The following REC114 variants were observed in gnomAD, a reference collection of about 807,000 sequenced individuals.
REC114 encodes meiotic recombination protein REC114.
A neutral mutation model predicts 31.3 loss-of-function variants in REC114; 27 were observed. The observed-to-expected ratio is 0.86, with a 90% confidence interval of 0.64 to 1.19. The LOEUF (loss-of-function observed/expected upper bound fraction) is 1.19. Among genes scored for constraint, REC114 ranks in the 50% most tolerant of loss-of-function variants. The probability of loss-of-function intolerance (pLI) is 0.00; values close to 1 mark genes in which losing one functional copy is unlikely to be tolerated. For synonymous variants in REC114, 134 were observed against 127.7 expected, an observed-to-expected ratio of 1.05 and a Z score of -0.33; for missense variants, 344 against 326.9, an observed-to-expected ratio of 1.05 and a Z score of -0.40.
At chr15:73,486,949 A>G (rs1236754185) in intron 2 of REC114, among the ~76,000 whole-genome samples, 1 of 151,892 alleles carries the variant, frequency 6.6e-6, no homozygotes, top group Non-Finnish European at 1.5e-5. Context: ...TGAACCCAAG[A>G]GGTGGAGGTT....
intron 2 of REC114, among the ~76,000 whole-genome samples, chr15:73,493,966 A>G (rs75940861): frequency 0.051 from 7,749 of 152,088 alleles, 220 homozygotes; most frequent in South Asian, 0.093. Context: ...TATTTTTTCT[A>G]TGGCTCCCCT....
At chr15:73,485,302 T>C (rs2141299215) in intron 2 of REC114, among the ~76,000 whole-genome samples, 1 of 152,278 alleles carries the variant, frequency 6.6e-6, no homozygotes, top group South Asian at 2.1e-4. Context: ...CAGGATGGTC[T>C]CGATCTCTTG....
intron 4 of REC114, among the ~76,000 whole-genome samples, chr15:73,553,589 C>T (rs138626190): frequency 3.9e-5 from 6 of 152,240 alleles, no homozygotes; most frequent in African/African-American, 9.6e-5. Flanking sequence ...AGTCACATCA[C>T]GCTAGAACCT....
intron 2 of REC114, among the ~76,000 whole-genome samples, chr15:73,479,064 A>G (rs1893256475): frequency 6.6e-6 from 1 of 152,084 alleles, no homozygotes; most frequent in Admixed American, 6.6e-5. Context: ...CTTCCCACAG[A>G]TTATGCTGGC....
At chr15:73,444,159 CT>C (rs1892735665) in intron 1 of REC114, among the ~76,000 whole-genome samples, 1 of 152,202 alleles carries the variant, frequency 6.6e-6, no homozygotes, top group Admixed American at 6.5e-5. Context: ...CTGGTGGCTG[CT>C]GACTGATCAG....
chr15:73,461,193 A>C (rs1892984049), intron 1 of REC114, among the ~76,000 whole-genome samples: 1 of 152,244 alleles, frequency 6.6e-6, no homozygotes, highest in South Asian at 2.1e-4. Context: ...GAAACACCAA[A>C]AAATGCTGAA....
At chr15:73,455,288 T>TTAC (rs1892900828) in intron 1 of REC114, among the ~76,000 whole-genome samples, 1 of 152,096 alleles carries the variant, frequency 6.6e-6, no homozygotes, top group African/African-American at 2.4e-5. Flanking sequence ...AAAAAAGAGG[T>TTAC]TAGGTAAAGC....
At chr15:73,491,339 C>T (rs1463018088) in intron 2 of REC114, among the ~76,000 whole-genome samples, 2 of 150,208 alleles carry the variant, frequency 1.3e-5, no homozygotes, top group Non-Finnish European at 3.0e-5. Context: ...TGTGTATTAT[C>T]TTAATTTCTT....
chr15:73,491,234 C>CTATCTTTGTGTATTAATTTTTTGTAT (rs1893438397), intron 2 of REC114, among the ~76,000 whole-genome samples: 1 of 139,376 alleles, frequency 7.2e-6, no homozygotes, highest in Non-Finnish European at 1.5e-5. Context: ...TCTTTGTGTA[C>CTATCTTTGTGTATTAATTTTTTGTAT]TATCTTTGTG....
chr15:73,511,573 G>T (rs1472094096), intron 2 of REC114, among the ~76,000 whole-genome samples: 2 of 145,630 alleles, frequency 1.4e-5, no homozygotes, highest in Non-Finnish European at 3.1e-5. Context: ...TTTCTCTTGT[G>T]GGCATTTAGT....
chr15:73,485,224 C>G (rs2141299175), intron 2 of REC114, among the ~76,000 whole-genome samples: 1 of 152,276 alleles, frequency 6.6e-6, no homozygotes, highest in African/African-American at 2.4e-5. Context: ...GCTGGGACTA[C>G]AGGTGTGCGC....
chr15:73,544,966 G>C (rs1254239909), intron 3 of REC114, among the ~76,000 whole-genome samples: 1 of 152,104 alleles, frequency 6.6e-6, no homozygotes, highest in Non-Finnish European at 1.5e-5. Flanking sequence ...TGTTAACTGG[G>C]CTCCACATTT....
intron 1 of REC114, among the ~76,000 whole-genome samples, chr15:73,463,241 A>G (rs1361394750): frequency 1.3e-5 from 2 of 152,116 alleles, no homozygotes; most frequent in Non-Finnish European, 2.9e-5. Flanking sequence ...TTGCGGTTTA[A>G]GAAATCAGGT....
intron 3 of REC114, among the ~76,000 whole-genome samples, chr15:73,541,458 A>G (rs1185595623): frequency 6.6e-6 from 1 of 152,238 alleles, no homozygotes; most frequent in Non-Finnish European, 1.5e-5. Flanking sequence ...ACATTAATAA[A>G]GAAGCATATA....
At chr15:73,443,404 C>G in intron 1 of REC114, 60 bp downstream of exon 1, 1 of 1,488,930 alleles carries the variant, frequency 6.7e-7, no homozygotes, top group Non-Finnish European at 8.9e-7. Flanking sequence ...GGGGAGGCTC[C>G]GCGAATACAC....
chr15:73,500,894 T>A (rs1389735983), intron 2 of REC114, among the ~76,000 whole-genome samples: 1 of 152,138 alleles, frequency 6.6e-6, no homozygotes, highest in East Asian at 1.9e-4. Context: ...TTAGAACCTC[T>A]GCCCCCAGGA....
intron 2 of REC114, among the ~76,000 whole-genome samples, chr15:73,522,079 A>G (rs1192395927): frequency 6.7e-6 from 1 of 150,030 alleles, no homozygotes; most frequent in Non-Finnish European, 1.5e-5. Flanking sequence ...TCATTTTGAT[A>G]TGAATTTTTA....
chr15:73,540,470 C>G lies in REC114; in HGVS notation c.250-15C>G. 1 of 1,607,038 alleles carries G rather than the reference C, an allele frequency of 6.2e-7. No individual in the cohort carries two copies. The highest frequency in any genetic ancestry group is 8.5e-7 in the Non-Finnish European group (1 of 1,173,682). On this transcript the variant is annotated splice_polypyrimidine_tract_variant and intron_variant, in intron 2 of 5. Transcript: ENST00000331090. ...TTTTGTTTCTGTTGCTAATTTTTGC[C>G]TAATTTTGTTTCAGGAAGGGTTTTC... is the stretch of plus-strand genomic sequence containing the variant.
intron 1 of REC114, among the ~76,000 whole-genome samples, chr15:73,449,693 G>A (rs377589955): frequency 1.3e-5 from 2 of 152,078 alleles, no homozygotes; most frequent in Non-Finnish European, 2.9e-5. Flanking sequence ...ACATATAATC[G>A]TCAGATACAC....
Sources: allele counts gnomAD v4.1 joint callset (sites outside exome capture counted in the v4.1 genomes callset), GRCh38; gene constraint gnomAD v4.1.1; transcripts MANE v1.5; gene names NCBI Gene and HGNC (gene_info 2026-07-23, HGNC 2026-07-21).